ADAMTSL1: variants seen among roughly 807,000 people sequenced by gnomAD.
ADAMTSL1 encodes ADAMTS like 1.
ADAMTSL1 carries 126 observed loss-of-function variants against 201.8 expected under a neutral mutation model. The ratio of observed to expected loss-of-function variants is 0.62; its 90% CI spans 0.54 to 0.72. The LOEUF (loss-of-function observed/expected upper bound fraction) is 0.72. Ranked by LOEUF, ADAMTSL1 falls within the 30% of genes least tolerant of loss-of-function variation. The probability of loss-of-function intolerance (pLI) is 0.00; values close to 1 mark genes in which losing one functional copy is unlikely to be tolerated. For synonymous variants in ADAMTSL1, 1,121 were observed against 903.4 expected, an observed-to-expected ratio of 1.24 and a Z score of -4.32; for missense variants, 2,679 against 2,277.8, an observed-to-expected ratio of 1.18 and a Z score of -3.59.
intron 26 of ADAMTSL1, 43 bp from the exon 27 acceptor site, chr9:18,905,739 G>C: frequency 1.9e-6 from 3 of 1,538,686 alleles, no homozygotes; most frequent in Non-Finnish European, 2.7e-6. Context: ...CTCCACCCTT[G>C]ACTTGGCTAA....
At chr9:17,945,431 A>G (rs1183528302) in intron 1 of ADAMTSL1, among the ~76,000 whole-genome samples, 3 of 146,002 alleles carry the variant, frequency 2.1e-5, no homozygotes, top group South Asian at 2.3e-4. Flanking sequence ...ATCTAGAACT[A>G]GAAATACCAT....
At chr9:18,350,423 G>A (rs976704761) in intron 2 of ADAMTSL1, among the ~76,000 whole-genome samples, 7 of 152,220 alleles carry the variant, frequency 4.6e-5, no homozygotes, top group African/African-American at 1.4e-4. Flanking sequence ...ATGTGAAGCC[G>A]GTCCTTCCCT....
At chr9:18,433,262 T>C (rs1819576615) in intron 2 of ADAMTSL1, among the ~76,000 whole-genome samples, 1 of 152,120 alleles carries the variant, frequency 6.6e-6, no homozygotes, top group Non-Finnish European at 1.5e-5. Context: ...TAATTCTTAA[T>C]ATAGATTCTA....
At chr9:18,304,450 AGCAAAACCTGGTTTTGCTATTTT>A (rs1324040710) in intron 2 of ADAMTSL1, among the ~76,000 whole-genome samples, 1 of 152,190 alleles carries the variant, frequency 6.6e-6, no homozygotes, top group African/African-American at 2.4e-5. Flanking sequence ...ATATTAAAAT[AGCAAAACCTGGTTTTGCTATTTT>A]GCAAAACCAA....
intron 2 of ADAMTSL1, among the ~76,000 whole-genome samples, chr9:18,284,028 C>T (rs1449810470): frequency 6.6e-6 from 1 of 151,286 alleles, no homozygotes; most frequent in Non-Finnish European, 1.5e-5. Context: ...GTCAGCAGTT[C>T]GAGACCAGCC....
rs189337862 is a variant in ADAMTSL1, at chr9:18,201,917, G to A, written c.207+37936G>A. 3.2e-4 allele frequency among the ~76,000 whole-genome samples: 49 copies of A among 152,200 alleles called. 1 individual carries two copies. The highest frequency in any genetic ancestry group is 1.1e-3 in the African/African-American group (44 of 41,554). ...ATGTATAAAACACTTAGAAATACCT[G>A]TGTAATAATTTATCACCACTGAATT... On this transcript the variant is annotated intron_variant, in intron 2 of 29. Coordinates refer to the ADAMTSL1 transcript ENST00000680146.
intron 1 of ADAMTSL1, among the ~76,000 whole-genome samples, chr9:17,976,351 C>T (rs1301548408): frequency 4.0e-5 from 6 of 151,832 alleles, no homozygotes; most frequent in Non-Finnish European, 7.4e-5. Flanking sequence ...TCTTCCAATT[C>T]GTGAACATGG....
At chr9:18,275,466 T>G (rs1457872066) in intron 2 of ADAMTSL1, among the ~76,000 whole-genome samples, 1 of 152,138 alleles carries the variant, frequency 6.6e-6, no homozygotes, top group African/African-American at 2.4e-5. Context: ...TCAGAACAAT[T>G]TCATCAGCAC....
At position 18,648,514 on chromosome 9, in the gene ADAMTSL1, A is replaced by C. The variant is rs555302326; in HGVS notation, c.834+9103A>C. On this transcript the variant is annotated intron_variant, in intron 7 of 28. Coordinates refer to ENST00000380548, the MANE Select transcript of ADAMTSL1 (RefSeq NM_001040272.6). Reference sequence around the variant, plus strand: ...TCTTTACATTTTGGCATGATTTTGCAGCGGCTGGTACCGGTTGTTCCTTTC... The same window carrying C: ...TCTTTACATTTTGGCATGATTTTGCCGCGGCTGGTACCGGTTGTTCCTTTC... Among the ~76,000 whole-genome samples, 5 of 152,046 alleles carry C rather than the reference A, an allele frequency of 3.3e-5. No individual in the cohort carries two copies. The South Asian group carries it at 1.0e-3, about 32-fold the overall frequency.
rs368700539 is a variant in ADAMTSL1, at chr9:18,685,981, C to T, written c.1574+1181C>T. Among the ~76,000 whole-genome samples the T allele has an allele frequency of 3.8e-4, 58 of 151,808 alleles. 1 individual carries two copies. The highest frequency in any genetic ancestry group is 3.1e-3 in the South Asian group (15 of 4,814). ...TCACCCGGGCATGGATGTAGTGGCACGGTCATAACTCACTGCAGCTTTCAC... is the reference window on the plus strand; with the variant it reads ...TCACCCGGGCATGGATGTAGTGGCATGGTCATAACTCACTGCAGCTTTCAC... On this transcript the variant is annotated intron_variant, in intron 13 of 28. Transcript: ENST00000380548.
chr9:18,077,375 A>G (rs538361626), intron 1 of ADAMTSL1, among the ~76,000 whole-genome samples: 26 of 152,306 alleles, frequency 1.7e-4, no homozygotes, highest in South Asian at 8.3e-4. Flanking sequence ...TTCATGGAGA[A>G]GAGGAGGAGG....
chr9:18,225,200 C>T (rs1321432290), intron 2 of ADAMTSL1, among the ~76,000 whole-genome samples: 1 of 152,126 alleles, frequency 6.6e-6, no homozygotes, highest in Non-Finnish European at 1.5e-5. Context: ...TGCTTTCAGG[C>T]TGGTCCACAT....
intron 1 of ADAMTSL1, among the ~76,000 whole-genome samples, chr9:18,491,826 C>G (rs1186632066): frequency 1.3e-5 from 2 of 152,100 alleles, no homozygotes; most frequent in East Asian, 1.9e-4. Context: ...CATTTTAATA[C>G]AAGTAGAGCT....
intron 1 of ADAMTSL1, among the ~76,000 whole-genome samples, chr9:17,988,388 G>A (rs1819009811): frequency 6.6e-6 from 1 of 151,936 alleles, no homozygotes; most frequent in South Asian, 2.1e-4. Context: ...ACAATGAATA[G>A]CAACCAGTTA....
chr9:18,763,991 T>C (rs1007921447), intron 16 of ADAMTSL1, among the ~76,000 whole-genome samples: 5 of 152,228 alleles, frequency 3.3e-5, no homozygotes, highest in Non-Finnish European at 1.5e-5. Flanking sequence ...TCTTTTGTGG[T>C]TCCATATGAA....
intron 2 of ADAMTSL1, among the ~76,000 whole-genome samples, chr9:18,310,505 T>C (rs1435671124): frequency 6.7e-6 from 1 of 149,432 alleles, no homozygotes; most frequent in Non-Finnish European, 1.5e-5. Flanking sequence ...CTTAAACAAA[T>C]TTACAAGAAA....
At chr9:18,483,310 C>T (rs1300093620) in intron 1 of ADAMTSL1, among the ~76,000 whole-genome samples, 1 of 152,138 alleles carries the variant, frequency 6.6e-6, no homozygotes, top group Non-Finnish European at 1.5e-5. Context: ...TTATCACGAG[C>T]ATCTAGTACA....
chr9:18,650,046 A>C (rs1828112306), intron 7 of ADAMTSL1, among the ~76,000 whole-genome samples: 2 of 152,198 alleles, frequency 1.3e-5, no homozygotes, highest in Admixed American at 6.5e-5. Flanking sequence ...GGCTCCACCC[A>C]GTTCGAGCTT....
chr9:18,045,893 T>A (rs1394925364), intron 1 of ADAMTSL1, among the ~76,000 whole-genome samples: 3 of 152,068 alleles, frequency 2.0e-5, no homozygotes, highest in Non-Finnish European at 4.4e-5. Flanking sequence ...GCAAAAAAAA[T>A]TTCCCTGTTC....
Sources: gnomAD v4.1 joint callset for allele counts (sites outside exome capture counted in the v4.1 genomes callset) on GRCh38, gnomAD v4.1.1 for gene constraint, MANE v1.5 for transcripts, NCBI Gene and HGNC (gene_info 2026-07-23, HGNC 2026-07-21) for gene names.